EIF3C: variants seen among roughly 807,000 people sequenced by gnomAD.
EIF3C encodes the protein eukaryotic translation initiation factor 3 subunit C, also known as cell migration-inducing protein 17.
In EIF3C, 2 loss-of-function variants were observed where a neutral mutation model predicts 11.1. The observed-to-expected ratio is 0.18, with a 90% CI of 0.07 to 0.57. The LOEUF is 0.57. Ranked by LOEUF, EIF3C falls within the 20% of genes least tolerant of loss-of-function variation. The pLI, the probability that EIF3C is intolerant of heterozygous loss-of-function variation, is 0.92. For missense variants in EIF3C, 16 were observed against 114.6 expected, an observed-to-expected ratio of 0.14 and a Z score of 3.93; for synonymous variants, 2 against 41.5, an observed-to-expected ratio of 0.05 and a Z score of 3.66.
At chr16:28,698,024 C>T (rs1481255442) in intron 1 of EIF3C, among the ~76,000 whole-genome samples, 2 of 52,420 alleles carry the variant, frequency 3.8e-5, no homozygotes, top group East Asian at 8.1e-4. Context: ...CCCTCCCGGA[C>T]GGGGCGGCTG....
At chr16:28,727,696 CTG>C (rs1471594599) in intron 15 of EIF3C, among the ~76,000 whole-genome samples, 1 of 116,404 alleles carries the variant, frequency 8.6e-6, no homozygotes, top group Non-Finnish European at 2.0e-5. Context: ...GAACATATCA[CTG>C]TGTCTGTTTT....
At chr16:28,698,394 A>C (rs1208356620) in intron 1 of EIF3C, among the ~76,000 whole-genome samples, 7 of 80,676 alleles carry the variant, frequency 8.7e-5, no homozygotes, top group African/African-American at 1.4e-4. Context: ...TGACCCTCCC[A>C]CCTCCCTCCC....
At chr16:28,700,342 G>A (rs1422223863) in intron 1 of EIF3C, 1 of 352,238 alleles carries the variant, frequency 2.8e-6, no homozygotes, top group East Asian at 9.9e-5. Flanking sequence ...CCAGCAGCCG[G>A]TCCCTGAACA....
At position 28,700,974 on chromosome 16, in the gene EIF3C, C is replaced by A. The variant is rs2048278341; in HGVS notation, c.-30-10683C>A. On this transcript the variant is annotated intron_variant, in intron 1 of 20. Coordinates refer to the EIF3C transcript ENST00000566501. ...GGTGTGCAATGGCATGATCTTGGCT[C>A]ACTGCAGCCTCCGCCTCCCGGGTTC... 5 of 178,240 alleles carry A rather than the reference C, an allele frequency of 2.8e-5. 1 individual carries two copies. Among genetic ancestry groups the A allele is most frequent in the Non-Finnish European group, 4.8e-5 (5 of 103,982 alleles). The allele number at this position is 178,240 out of a possible 1,614,324, so 11.0% of individuals were successfully genotyped here.
intron 2 of EIF3C, among the ~76,000 whole-genome samples, chr16:28,712,790 G>A (rs2048314612): frequency 6.6e-6 from 1 of 150,610 alleles, no homozygotes; most frequent in East Asian, 2.0e-4. Context: ...TTGAGGTCAA[G>A]AGTTTGAGAC....
At chr16:28,697,895 C>T (rs1477852573) in intron 1 of EIF3C, among the ~76,000 whole-genome samples, 5 of 84,170 alleles carry the variant, frequency 5.9e-5, no homozygotes, top group East Asian at 5.0e-4. Flanking sequence ...CCCTCCCGGA[C>T]GGGGCGGCTG....
rs2048241397 is a variant in EIF3C at position 28,696,870 on chromosome 16, C to T, written c.-31+8042C>T. On this transcript the variant is annotated intron_variant, in intron 1 of 20. Coordinates refer to the EIF3C transcript ENST00000566501. Reference sequence around the variant, plus strand: ...CAAAAAAATAAAGACTCAGTTAAGGCACCACTGGAGAGACCACACCCCAGA... The same window carrying T: ...CAAAAAAATAAAGACTCAGTTAAGGTACCACTGGAGAGACCACACCCCAGA... Among the ~76,000 whole-genome samples, 2 of 52,152 alleles carry T rather than the reference C, an allele frequency of 3.8e-5. 1 individual carries two copies. The highest frequency in any genetic ancestry group is 6.8e-5 in the Non-Finnish European group (2 of 29,592). 34.2% of individuals were successfully genotyped at this position (52,152 alleles called of 152,430 possible). A position where few individuals can be genotyped will look rare whatever the true frequency, so the allele number is the denominator to read the frequency against.
At chr16:28,729,068 A>G (rs2048413357) in intron 15 of EIF3C, among the ~76,000 whole-genome samples, 1 of 44,166 alleles carries the variant, frequency 2.3e-5, no homozygotes, top group Non-Finnish European at 4.9e-5. Flanking sequence ...GTCCTGTGTC[A>G]GAATTTTTTT....
rs1406895563 is a variant in EIF3C at position 28,695,828 on chromosome 16, A to C, written c.-31+7000A>C. On this transcript the variant is annotated intron_variant, in intron 1 of 20. Coordinates refer to the EIF3C transcript ENST00000566501. ...CACGATGAAACCCCATCTCTACTAC[A>C]AATACAAAAAATTAGCCAGGTGTGA... 2.2e-4 allele frequency among the ~76,000 whole-genome samples: 11 copies of C among 49,972 alleles called. 4 individuals carry two copies. In the Admixed American group the frequency reaches 2.4e-3, roughly 11 times the overall value. 32.8% of individuals were successfully genotyped at this position (49,972 alleles called of 152,430 possible). A position where few individuals can be genotyped will look rare whatever the true frequency, so the allele number is the denominator to read the frequency against.
At position 28,697,818 on chromosome 16, in the gene EIF3C, G is replaced by C. The variant is rs1189052656; in HGVS notation, c.-31+8990G>C. Among the ~76,000 whole-genome samples the C allele has an allele frequency of 1.7e-4, 16 of 95,492 alleles. 2 individuals carry two copies. Among genetic ancestry groups the C allele is most frequent in the Non-Finnish European group, 2.5e-4 (13 of 51,336 alleles). The allele number at this position is 95,492 out of a possible 152,430, so 62.6% of individuals were successfully genotyped here. On this transcript the variant is annotated intron_variant, in intron 1 of 20. Transcript: ENST00000566501. ...GATGGGGCGGCTCGCCGGGCAGGGG[G>C]GCTGACCCCCCCCACCTCCCTCCCG...
At position 28,689,317 on chromosome 16, in the gene EIF3C, G is replaced by A. The variant is rs555378866; in HGVS notation, c.-31+489G>A. ...CTGTTTAAATGACTCTGTGGTTTCCGCCTTGTGAGTGGATCCCGATCGATG... is the reference window on the plus strand; with the variant it reads ...CTGTTTAAATGACTCTGTGGTTTCCACCTTGTGAGTGGATCCCGATCGATG... On this transcript the variant is annotated intron_variant, in intron 1 of 20. Transcript: ENST00000566501. 5.3e-4 allele frequency among the ~76,000 whole-genome samples: 25 copies of A among 47,496 alleles called. 10 individuals carry two copies. The highest frequency in any genetic ancestry group is 8.4e-4 in the Non-Finnish European group (23 of 27,410). The allele number at this position is 47,496 out of a possible 152,430, so 31.2% of individuals were successfully genotyped here.
At chr16:28,700,568 C>T (rs1317071648) in intron 1 of EIF3C, 2 of 284,170 alleles carry the variant, frequency 7.0e-6, no homozygotes, top group Middle Eastern at 1.0e-3. Context: ...TTGAGCTCCT[C>T]CTCCTAGTAC....
intron 1 of EIF3C, among the ~76,000 whole-genome samples, chr16:28,694,275 G>A (rs2048231265): frequency 1.9e-5 from 1 of 51,410 alleles, no homozygotes; most frequent in East Asian, 5.5e-4. Context: ...CAGGAGAATT[G>A]CTTGAACCTG....
At chr16:28,733,083 CTTTCTTTTTTTTTT>C (rs2048463167) in intron 16 of EIF3C, among the ~76,000 whole-genome samples, 1 of 47,778 alleles carries the variant, frequency 2.1e-5, no homozygotes, top group Non-Finnish European at 4.0e-5. Flanking sequence ...TTCTTTCTTT[CTTTCTTTTTTTTTT>C]TTTTTTGAGA....
At chr16:28,698,025 G>A (rs1191187686) in intron 1 of EIF3C, among the ~76,000 whole-genome samples, 7 of 62,794 alleles carry the variant, frequency 1.1e-4, no homozygotes, top group Non-Finnish European at 5.6e-5. Context: ...CCTCCCGGAC[G>A]GGGCGGCTGG....
At chr16:28,727,876 G>T (rs1596715261) in intron 15 of EIF3C, among the ~76,000 whole-genome samples, 2 of 106,020 alleles carry the variant, frequency 1.9e-5, no homozygotes, top group South Asian at 5.6e-4. Flanking sequence ...TTGAGAGGGA[G>T]TCTCGCTCTG....
intron 1 of EIF3C, among the ~76,000 whole-genome samples, chr16:28,698,240 T>C (rs1424601611): frequency 1.6e-5 from 2 of 121,314 alleles, no homozygotes; most frequent in African/African-American, 6.5e-5. Context: ...ACGGGGCGGC[T>C]GGCCGGGTGG....
chr16:28,729,889 G>C (rs1346061374), intron 15 of EIF3C, among the ~76,000 whole-genome samples: 13 of 150,598 alleles, frequency 8.6e-5, no homozygotes, highest in Non-Finnish European at 1.6e-4. Context: ...GAGCTCAGGA[G>C]GTCGAGGCTG....
intron 1 of EIF3C, among the ~76,000 whole-genome samples, chr16:28,697,665 C>T (rs1478608208): frequency 2.5e-5 from 2 of 79,826 alleles, no homozygotes; most frequent in Admixed American, 1.1e-4. Context: ...TCCACAAAGC[C>T]GCCATTGTCA....
Sources: gnomAD v4.1 joint callset for allele counts (sites outside exome capture counted in the v4.1 genomes callset) on GRCh38, gnomAD v4.1.1 for gene constraint, MANE v1.5 for transcripts, NCBI Gene and HGNC (gene_info 2026-07-23, HGNC 2026-07-21) for gene names.